GALNT7: variants seen among roughly 807,000 people sequenced by gnomAD.
GALNT7 encodes N-acetylgalactosaminyltransferase 7.
Under a neutral mutation model 82.1 loss-of-function variants are expected in GALNT7, and 60 were observed. The ratio of observed to expected loss-of-function variants is 0.73; its 90% CI spans 0.59 to 0.91. The LOEUF is 0.91. Ranked by LOEUF, GALNT7 falls within the 40% of genes least tolerant of loss-of-function variation. The pLI, the probability that GALNT7 is intolerant of heterozygous loss-of-function variation, is 0.00. For synonymous variants in GALNT7, 243 were observed against 275.1 expected, an observed-to-expected ratio of 0.88 and a Z score of 1.15; for missense variants, 660 against 804.2, an observed-to-expected ratio of 0.82 and a Z score of 2.17.
intron 1 of GALNT7, 25 bp from the exon 2 acceptor site, chr4:173,247,955 T>G (rs913170826): frequency 1.3e-6 from 2 of 1,512,292 alleles, no homozygotes; most frequent in Non-Finnish European, 1.8e-6. Context: ...ATGTACTCAT[T>G]GTATATCCCC....
At chr4:173,255,913 G>C in intron 2 of GALNT7, among the ~76,000 whole-genome samples, 1 of 152,162 alleles carries the variant, frequency 6.6e-6, no homozygotes, top group East Asian at 1.9e-4. Context: ...TTAGATACAG[G>C]CTGTCTACTA....
Position 173,292,139 on chromosome 4 carries a change from C to G in GALNT7, c.619C>G (p.Leu207Val), listed in dbSNP as rs1051627824. The G allele has an allele frequency of 6.2e-7, 1 of 1,609,418 alleles. No homozygotes were observed. The highest frequency in any genetic ancestry group is 8.5e-7 in the Non-Finnish European group (1 of 1,177,702). Residue 207 changes from leucine to valine, a missense_variant, in exon 3 of 12, where the codon CTC becomes GTC. Coordinates refer to ENST00000265000, the MANE Select transcript of GALNT7 (RefSeq NM_017423.3). The surrounding 1 kb of genome is among the most constrained non-coding windows in gnomAD (Gnocchi z 4.8). ...CKYWHYDENLLTSSVVIVFHN... is the reference protein window; with the variant it reads ...CKYWHYDENLVTSSVVIVFHN... Reference sequence around the variant, plus strand: ...GTATTGGCATTATGATGAAAACTTGCTCACTTCGAGCGTTGTCATTGTCTT... The same window carrying G: ...GTATTGGCATTATGATGAAAACTTGGTCACTTCGAGCGTTGTCATTGTCTT...
At chr4:173,303,021 C>T (rs1299952483) in intron 7 of GALNT7, among the ~76,000 whole-genome samples, 1 of 152,030 alleles carries the variant, frequency 6.6e-6, no homozygotes, top group Non-Finnish European at 1.5e-5. Context: ...ATGGTGAAAC[C>T]CCATCTCTAC....
chr4:173,248,116 T>A lies in GALNT7; in HGVS notation c.263T>A (p.Ile88Lys), dbSNP rs1734720290. The A allele has an allele frequency of 6.2e-7, 1 of 1,613,804 alleles. No individual in the cohort carries two copies. The highest frequency in any genetic ancestry group is 8.5e-7 in the Non-Finnish European group (1 of 1,179,826). The change falls in exon 2 of 12, where the codon ATA becomes AAA. Residue 88 changes from isoleucine (I) to lysine (K), a missense_variant. Transcript: ENST00000265000. ...GTGGACTTAGAGTCTATTAGAAGAATAAACAAGGCCAAAAATGAACAAGAG... is the reference window on the plus strand; with the variant it reads ...GTGGACTTAGAGTCTATTAGAAGAAAAAACAAGGCCAAAAATGAACAAGAG... ...VEVDLESIRR[I>K]NKAKNEQEHH...
intron 1 of GALNT7, among the ~76,000 whole-genome samples, chr4:173,202,244 T>G (rs1732964624): frequency 6.6e-6 from 1 of 152,216 alleles, no homozygotes; most frequent in South Asian, 2.1e-4. Context: ...AGGGCATAGC[T>G]CTAAAGAAGT....
At chr4:173,223,597 C>T (rs533365987) in intron 1 of GALNT7, among the ~76,000 whole-genome samples, 3 of 151,968 alleles carry the variant, frequency 2.0e-5, no homozygotes, top group Admixed American at 1.3e-4. Flanking sequence ...CCCCACCCCC[C>T]GCAGTCCAAA....
chr4:173,237,664 C>T (rs1365656261), intron 1 of GALNT7, among the ~76,000 whole-genome samples: 1 of 151,568 alleles, frequency 6.6e-6, no homozygotes, highest in East Asian at 1.9e-4. Context: ...AAGAATTAAA[C>T]TGTTTGCTTG....
chr4:173,182,924 A>G (rs1021772971), intron 1 of GALNT7, among the ~76,000 whole-genome samples: 1 of 141,936 alleles, frequency 7.0e-6, no homozygotes, highest in Non-Finnish European at 1.5e-5. Context: ...GTTACTCATA[A>G]TACACACACA....
At chr4:173,307,375 G>A (rs1737199178) in intron 8 of GALNT7, among the ~76,000 whole-genome samples, 1 of 152,242 alleles carries the variant, frequency 6.6e-6, no homozygotes, top group African/African-American at 2.4e-5. Flanking sequence ...AGAATGCGAG[G>A]TACCAGATGT....
intron 1 of GALNT7, among the ~76,000 whole-genome samples, chr4:173,218,697 G>A (rs1188796648): frequency 6.6e-6 from 1 of 152,182 alleles, no homozygotes; most frequent in East Asian, 1.9e-4. Flanking sequence ...AATAATAATA[G>A]TAAAATAGAA....
chr4:173,266,282 A>G (rs72999548), intron 2 of GALNT7, among the ~76,000 whole-genome samples: 8,906 of 152,232 alleles, frequency 0.059, 501 homozygotes, highest in African/African-American at 0.15. Flanking sequence ...GAAAAAGAAA[A>G]GAAAAGAATT....
rs1736984285 is a variant in GALNT7, at chr4:173,302,559, G to A, written c.1266+395G>A. Among the ~76,000 whole-genome samples, 1 of 152,158 alleles carries A rather than the reference G, an allele frequency of 6.6e-6. No homozygotes were observed. Among genetic ancestry groups the A allele is most frequent in the Non-Finnish European group, 1.5e-5 (1 of 68,028 alleles). The stretch of plus-strand genomic sequence containing the variant: ...CTGTAGGACATGATTCAAGACAGAA[G>A]CAGAGCCCCACAATGACTGTATCCT... On this transcript the variant is annotated intron_variant, in intron 7 of 11. Transcript: ENST00000265000. The surrounding 1 kb of genome is among the most constrained non-coding windows in gnomAD (Gnocchi z 4.2).
At chr4:173,217,663 A>G (rs1733513620) in intron 1 of GALNT7, among the ~76,000 whole-genome samples, 1 of 152,166 alleles carries the variant, frequency 6.6e-6, no homozygotes, top group Non-Finnish European at 1.5e-5. Flanking sequence ...GTAATAGGGG[A>G]TGGTTTATGT....
chr4:173,318,680 C>A, intron 11 of GALNT7, 121 bp downstream of exon 11: 1 of 652,260 alleles, frequency 1.5e-6, no homozygotes, highest in Non-Finnish European at 2.6e-6. Flanking sequence ...ATTTTCCTCT[C>A]ATTTAGTCCC....
intron 6 of GALNT7, 87 bp downstream of exon 6, chr4:173,298,384 A>G (rs1736799994): frequency 1.2e-6 from 1 of 831,426 alleles, no homozygotes; most frequent in Non-Finnish European, 1.9e-6. Flanking sequence ...TTCGTTATTA[A>G]AACTGTAGAT....
intron 1 of GALNT7, among the ~76,000 whole-genome samples, chr4:173,236,083 C>T (rs1464804288): frequency 6.6e-6 from 1 of 152,300 alleles, no homozygotes; most frequent in East Asian, 1.9e-4. Flanking sequence ...ATGTCTAGGG[C>T]ACAGCAACAA....
intron 1 of GALNT7, among the ~76,000 whole-genome samples, chr4:173,227,084 A>G (rs1169143894): frequency 2.6e-5 from 4 of 152,326 alleles, no homozygotes; most frequent in Non-Finnish European, 5.9e-5. Context: ...ATAAGGAAAA[A>G]TAACCTAAAA....
At chr4:173,190,853 G>A (rs778342618) in intron 1 of GALNT7, among the ~76,000 whole-genome samples, 2 of 152,142 alleles carry the variant, frequency 1.3e-5, no homozygotes, top group African/African-American at 2.4e-5. Context: ...CTCCACGTAT[G>A]TGAGCTATAT....
intron 1 of GALNT7, among the ~76,000 whole-genome samples, chr4:173,221,668 T>C (rs1194753323): frequency 6.6e-6 from 1 of 152,230 alleles, no homozygotes; most frequent in Non-Finnish European, 1.5e-5. Context: ...AATATTTCAA[T>C]AGTATTATCT....
Sources: gnomAD v4.1 joint callset for allele counts (sites outside exome capture counted in the v4.1 genomes callset) on GRCh38, gnomAD v4.1.1 for gene constraint, Gnocchi (gnomAD v3.1) non-coding constraint, MANE v1.5 for transcripts, NCBI Gene and HGNC (gene_info 2026-07-23, HGNC 2026-07-21) for gene names.